The following MAP3K3 variants were observed in gnomAD, a reference collection of about 807,000 sequenced individuals.
MAP3K3 encodes the protein mitogen-activated protein kinase kinase kinase 3.
Under a neutral mutation model 80.9 loss-of-function variants are expected in MAP3K3, and 12 were observed. That is an observed-to-expected ratio of 0.15 (90% CI 0.10 to 0.24). MAP3K3 has a LOEUF of 0.24. Among genes scored for constraint, MAP3K3 ranks in the 10% least tolerant of loss-of-function variants. The pLI, the probability that MAP3K3 is intolerant of heterozygous loss-of-function variation, is 1.00. For missense variants in MAP3K3, 596 were observed against 834.7 expected (o/e 0.71, Z 3.52); for synonymous variants, 272 against 307.1 (o/e 0.89, Z 1.19).
chr17:63,682,827 C>CT (rs2035368629), intron 7 of MAP3K3: 1 of 152,240 alleles, frequency 6.6e-6, no homozygotes, highest in Non-Finnish European at 1.5e-5. Flanking sequence ...TTGCCATAGT[C>CT]TATTGGCTAG....
chr17:63,646,122 C>G, intron 3 of MAP3K3, 48 bp downstream of exon 3: 1 of 1,551,552 alleles, frequency 6.4e-7, no homozygotes, highest in South Asian at 1.1e-5. Flanking sequence ...TGCCAAAGTT[C>G]TCAGATAGCA....
At position 63,622,779 on chromosome 17, in the gene MAP3K3, G is replaced by T; in HGVS notation, c.4+16G>T. 1 of 515,540 alleles carries T rather than the reference G, an allele frequency of 1.9e-6. No homozygotes were observed. The allele number at this position is 515,540 out of a possible 1,614,324, so 31.9% of individuals were successfully genotyped here. The stretch of plus-strand genomic sequence containing the variant: ...GCCACCATGGGTAAGTGTCGCCACC[G>T]CCCCGGCCTGTGCCCGCGCTGCTTC... On this transcript the variant is annotated intron_variant, in intron 1 of 15. Coordinates refer to ENST00000361733, the MANE Select transcript of MAP3K3 (RefSeq NM_002401.5).
At chr17:63,634,399 C>T (rs748619045) in intron 2 of MAP3K3, among the ~76,000 whole-genome samples, 2 of 152,116 alleles carry the variant, frequency 1.3e-5, no homozygotes, top group Non-Finnish European at 2.9e-5. Context: ...CCCAAAAGGA[C>T]GAGGCTGGGA....
At chr17:63,668,678 A>G (rs533633460) in intron 6 of MAP3K3, among the ~76,000 whole-genome samples, 5 of 152,282 alleles carry the variant, frequency 3.3e-5, no homozygotes, top group African/African-American at 1.2e-4. Flanking sequence ...CCCTTTCTCC[A>G]TGTTACCGGG....
At chr17:63,687,017 G>A (rs1371810500) in intron 8 of MAP3K3, among the ~76,000 whole-genome samples, 1 of 152,144 alleles carries the variant, frequency 6.6e-6, no homozygotes, top group East Asian at 1.9e-4. Context: ...TAAGGTGAAA[G>A]AAAGATGCCT....
At chr17:63,652,999 A>G (rs908348154) in intron 4 of MAP3K3, among the ~76,000 whole-genome samples, 4 of 152,162 alleles carry the variant, frequency 2.6e-5, no homozygotes, top group Admixed American at 1.3e-4. Flanking sequence ...AGCCTTAACA[A>G]GAAGCAGAGG....
chr17:63,688,419 C>G (rs1231450680), intron 8 of MAP3K3, 108 bp from the exon 9 acceptor site: 4 of 852,536 alleles, frequency 4.7e-6, no homozygotes, highest in Non-Finnish European at 8.0e-6. Context: ...AAATCTGCTT[C>G]CCCCACCTAA....
Position 63,661,288 on chromosome 17 carries a change from C to G in MAP3K3, c.381+3381C>G, listed in dbSNP as rs2034885872. 3.3e-5 allele frequency among the ~76,000 whole-genome samples: 5 copies of G among 152,182 alleles called. No homozygotes were observed. The South Asian group carries it at 8.3e-4, about 25-fold the overall frequency. ...TCTCAAACTCCTGACCTCAAGTGATCCGCACGCCTCAGCTTCTCAAAGTGC... is the reference window on the plus strand; with the variant it reads ...TCTCAAACTCCTGACCTCAAGTGATGCGCACGCCTCAGCTTCTCAAAGTGC... On this transcript the variant is annotated intron_variant, in intron 5 of 15. Transcript: ENST00000361733.
chr17:63,675,514 C>G (rs1196180060), intron 6 of MAP3K3, among the ~76,000 whole-genome samples: 1 of 152,160 alleles, frequency 6.6e-6, no homozygotes, highest in African/African-American at 2.4e-5. Flanking sequence ...GAGTACAAAG[C>G]AAAAGAACCT....
intron 7 of MAP3K3, 26 bp downstream of exon 7, chr17:63,681,925 C>T: frequency 1.5e-6 from 2 of 1,350,330 alleles, no homozygotes; most frequent in African/African-American, 3.0e-5. Context: ...CTGGGATATG[C>T]CTGTGGCCTG....
At chr17:63,642,023 T>C (rs1292341481) in intron 2 of MAP3K3, among the ~76,000 whole-genome samples, 1 of 152,178 alleles carries the variant, frequency 6.6e-6, no homozygotes, top group African/African-American at 2.4e-5. Context: ...TTGAATCAAA[T>C]TATCTTTATC....
intron 2 of MAP3K3, among the ~76,000 whole-genome samples, chr17:63,642,430 C>T (rs2034460806): frequency 6.6e-6 from 1 of 152,024 alleles, no homozygotes; most frequent in Non-Finnish European, 1.5e-5. Context: ...GAGGCCAAGG[C>T]GGGTGGATCA....
chr17:63,653,870 T>C (rs576798108), intron 4 of MAP3K3, among the ~76,000 whole-genome samples: 18 of 152,164 alleles, frequency 1.2e-4, no homozygotes, highest in African/African-American at 4.3e-4. Flanking sequence ...TCCAGAACAT[T>C]TTCTTTTTTT....
At chr17:63,665,788 C>CA (rs1264148720) in intron 5 of MAP3K3, among the ~76,000 whole-genome samples, 4 of 152,210 alleles carry the variant, frequency 2.6e-5, no homozygotes, top group African/African-American at 9.7e-5. Flanking sequence ...GACAGTTTTT[C>CA]AAGACAACCT....
chr17:63,625,325 T>C (rs1048466647), intron 1 of MAP3K3, among the ~76,000 whole-genome samples: 3 of 152,224 alleles, frequency 2.0e-5, no homozygotes, highest in African/African-American at 4.8e-5. Context: ...TATAAAAAAT[T>C]GGGATTGACT....
At chr17:63,685,832 C>T (rs1001844656) in intron 8 of MAP3K3, among the ~76,000 whole-genome samples, 1 of 152,206 alleles carries the variant, frequency 6.6e-6, no homozygotes, top group East Asian at 1.9e-4. Flanking sequence ...AAGTGCTTTA[C>T]ATGTTTTGAC....
At chr17:63,683,158 G>C (rs2035375455) in intron 7 of MAP3K3, among the ~76,000 whole-genome samples, 1 of 152,254 alleles carries the variant, frequency 6.6e-6, no homozygotes, top group Non-Finnish European at 1.5e-5. Context: ...GGCCTGTGCT[G>C]TCACATGGGA....
At chr17:63,652,422 G>T (rs1029799756) in intron 3 of MAP3K3, 135 bp from the exon 4 acceptor site, 4 of 643,010 alleles carry the variant, frequency 6.2e-6, no homozygotes, top group Admixed American at 2.7e-5. Flanking sequence ...GGAAACAATC[G>T]GGAAAAGGCA....
intron 11 of MAP3K3, 56 bp from the exon 12 acceptor site, chr17:63,690,208 T>C (rs2035554969): frequency 7.7e-6 from 12 of 1,568,030 alleles, no homozygotes; most frequent in Non-Finnish European, 9.5e-6. Context: ...GGAGAATGAA[T>C]GGGATATTCA....
Sources: gnomAD v4.1 joint callset for allele counts (sites outside exome capture counted in the v4.1 genomes callset) on GRCh38, gnomAD v4.1.1 for gene constraint, MANE v1.5 for transcripts, NCBI Gene and HGNC (gene_info 2026-07-23, HGNC 2026-07-21) for gene names.